OSBPL8: variants seen among roughly 807,000 people sequenced by gnomAD.
OSBPL8 encodes the protein oxysterol binding protein like 8.
Under a neutral mutation model 125.5 loss-of-function variants are expected in OSBPL8, and 59 were observed. The ratio of observed to expected loss-of-function variants is 0.47; its 90% CI spans 0.38 to 0.58. OSBPL8 has a LOEUF of 0.58. Among genes scored for constraint, OSBPL8 ranks in the 20% least tolerant of loss-of-function variants. The pLI is 0.00. For synonymous variants in OSBPL8, 330 were observed against 338.9 expected (o/e 0.97, Z 0.29); for missense variants, 758 against 1,047.8 (o/e 0.72, Z 3.82).
At chr12:76,458,592 G>C (rs926376244) in intron 3 of OSBPL8, among the ~76,000 whole-genome samples, 1 of 151,576 alleles carries the variant, frequency 6.6e-6, no homozygotes, top group Non-Finnish European at 1.5e-5. Flanking sequence ...TCAGGTGGCA[G>C]GAAGATCCCT....
chr12:76,496,026 T>A (rs55677062), intron 1 of OSBPL8, among the ~76,000 whole-genome samples: 32,546 of 152,076 alleles, frequency 0.21, 3,661 homozygotes, highest in Non-Finnish European at 0.26. Flanking sequence ...CAGATCACCT[T>A]ACTTGCACAT....
chr12:76,365,057 G>A (rs1952364294), intron 21 of OSBPL8, among the ~76,000 whole-genome samples: 1 of 152,098 alleles, frequency 6.6e-6, no homozygotes, highest in Admixed American at 6.6e-5. Context: ...CTGGGCTCAC[G>A]TGATCCTCCC....
At chr12:76,394,863 T>C (rs1448529855) in intron 8 of OSBPL8, 134 bp from the exon 9 acceptor site, 3 of 585,882 alleles carry the variant, frequency 5.1e-6, no homozygotes, top group Non-Finnish European at 8.2e-6. Flanking sequence ...AGCTTTAATT[T>C]CATCATTCTT....
At chr12:76,423,748 G>A (rs758388219) in intron 4 of OSBPL8, among the ~76,000 whole-genome samples, 9 of 151,972 alleles carry the variant, frequency 5.9e-5, no homozygotes, top group Non-Finnish European at 1.0e-4. Flanking sequence ...TATATATGCC[G>A]TAGATTGATT....
intron 1 of OSBPL8, among the ~76,000 whole-genome samples, chr12:76,551,574 G>A (rs533813148): frequency 3.3e-5 from 5 of 152,260 alleles, no homozygotes; most frequent in South Asian, 4.1e-4. Flanking sequence ...GTGACTGGGC[G>A]TAAGATAAAG....
chr12:76,427,477 C>T (rs1394773374), intron 4 of OSBPL8, among the ~76,000 whole-genome samples: 1 of 151,650 alleles, frequency 6.6e-6, no homozygotes, highest in African/African-American at 2.4e-5. Flanking sequence ...AATCTGAAGA[C>T]AAGATGTAAC....
At chr12:76,517,501 A>G (rs1881663863) in intron 1 of OSBPL8, among the ~76,000 whole-genome samples, 1 of 152,176 alleles carries the variant, frequency 6.6e-6, no homozygotes, top group Non-Finnish European at 1.5e-5. Flanking sequence ...TCTCGTACAT[A>G]TATATAAAAA....
chr12:76,386,438 C>G (rs956917793), intron 13 of OSBPL8, 141 bp downstream of exon 13: 5 of 1,277,032 alleles, frequency 3.9e-6, no homozygotes, highest in Admixed American at 3.0e-5. Flanking sequence ...TAATACATGT[C>G]TAAATGATCA....
intron 2 of OSBPL8, among the ~76,000 whole-genome samples, chr12:76,476,009 A>T (rs1410261159): frequency 6.6e-6 from 1 of 152,140 alleles, no homozygotes; most frequent in Non-Finnish European, 1.5e-5. Flanking sequence ...TTTCTCTCAA[A>T]TGGGCTGTTT....
chr12:76,472,969 A>G (rs930743263), intron 2 of OSBPL8, among the ~76,000 whole-genome samples: 3 of 152,094 alleles, frequency 2.0e-5, no homozygotes, highest in African/African-American at 7.2e-5. Context: ...GCTAAGTAGC[A>G]GGTGTTTTTC....
chr12:76,363,249 G>A (rs1397373517), intron 21 of OSBPL8, among the ~76,000 whole-genome samples: 1 of 152,184 alleles, frequency 6.6e-6, no homozygotes, highest in African/African-American at 2.4e-5. Context: ...AACGAACAAA[G>A]CTGGAGGCAT....
intron 4 of OSBPL8, among the ~76,000 whole-genome samples, chr12:76,420,458 A>C (rs1245915914): frequency 2.0e-5 from 3 of 152,134 alleles, no homozygotes; most frequent in African/African-American, 4.8e-5. Flanking sequence ...ACATTGCATC[A>C]TGACATCACT....
chr12:76,517,442 T>C (rs1253905998), intron 1 of OSBPL8, among the ~76,000 whole-genome samples: 1 of 152,194 alleles, frequency 6.6e-6, no homozygotes, highest in Non-Finnish European at 1.5e-5. Context: ...AACATAAATG[T>C]TTATTAATGT....
At chr12:76,396,179 C>A (rs971658865) in intron 8 of OSBPL8, among the ~76,000 whole-genome samples, 10 of 151,984 alleles carry the variant, frequency 6.6e-5, no homozygotes, top group African/African-American at 2.2e-4. Context: ...ATTCTTTCCC[C>A]TGCAGGAAGC....
At position 76,507,099 on chromosome 12, in the gene OSBPL8, A is replaced by G. The variant is rs535559994; in HGVS notation, c.-67-19481T>C. ...AAAGCCAGGCCTGCATCCTAATTTA[A>G]ATATAATTACTAGTTGAATTCAAAG... is the stretch of plus-strand genomic sequence containing the variant. On this transcript the variant is annotated intron_variant, in intron 1 of 23. Transcript: ENST00000261183. 2.6e-5 allele frequency among the ~76,000 whole-genome samples: 4 copies of G among 151,840 alleles called. No homozygotes were observed. In the East Asian group the frequency reaches 5.8e-4, roughly 22 times the overall value.
chr12:76,514,395 C>T (rs1881327796), intron 1 of OSBPL8, among the ~76,000 whole-genome samples: 1 of 151,490 alleles, frequency 6.6e-6, no homozygotes, highest in Non-Finnish European at 1.5e-5. Flanking sequence ...TTGTGATCTA[C>T]CCGCTTCAGC....
chr12:76,434,852 A>G (rs1414809311), intron 4 of OSBPL8, among the ~76,000 whole-genome samples: 1 of 152,194 alleles, frequency 6.6e-6, no homozygotes, highest in Non-Finnish European at 1.5e-5. Flanking sequence ...TTATCAATAA[A>G]ACGTAAGTTA....
chr12:76,488,087 T>C (rs1056330241), intron 1 of OSBPL8, among the ~76,000 whole-genome samples: 2 of 152,156 alleles, frequency 1.3e-5, no homozygotes, highest in Non-Finnish European at 2.9e-5. Flanking sequence ...CTAGAAATTT[T>C]CCCACAGATA....
At chr12:76,395,779 C>T (rs1158216957) in intron 8 of OSBPL8, among the ~76,000 whole-genome samples, 3 of 152,052 alleles carry the variant, frequency 2.0e-5, no homozygotes, top group Admixed American at 6.6e-5. Flanking sequence ...ACACAAAGAA[C>T]TCATAGCTGT....
Sources: allele counts gnomAD v4.1 joint callset (sites outside exome capture counted in the v4.1 genomes callset), GRCh38; gene constraint gnomAD v4.1.1; transcripts MANE v1.5; gene names NCBI Gene and HGNC (gene_info 2026-07-23, HGNC 2026-07-21).